The following KLF3 variants were observed in gnomAD, a reference collection of about 807,000 sequenced individuals.
KLF3 encodes KLF transcription factor 3, also known as Krueppel-like factor 3.
In KLF3, 6 loss-of-function variants were observed where a neutral mutation model predicts 32.7. The observed-to-expected ratio is 0.18, with a 90% confidence interval of 0.10 to 0.36. The LOEUF (loss-of-function observed/expected upper bound fraction) is 0.36, where lower values mean the gene tolerates loss of function less well. KLF3 is among the 10% of genes least tolerant of loss of function. The pLI, the probability that KLF3 is intolerant of heterozygous loss-of-function variation, is 1.00. For missense variants in KLF3, 338 were observed against 449.7 expected (o/e 0.75, Z 2.25); for synonymous variants, 145 against 172.8 (o/e 0.84, Z 1.26).
chr4:38,696,358 A>C (rs1304197530), intron 5 of KLF3, among the ~76,000 whole-genome samples: 1 of 152,104 alleles, frequency 6.6e-6, no homozygotes, highest in Non-Finnish European at 1.5e-5. Flanking sequence ...CATGACCCTT[A>C]TGACTAATTT....
rs889570833 is a variant in KLF3 at position 38,696,189 on chromosome 4, A to G, written c.857-893A>G. Among the ~76,000 whole-genome samples, 289 of 58,306 alleles carry G rather than the reference A, an allele frequency of 5.0e-3. 1 individual carries two copies. The highest frequency in any genetic ancestry group is 0.022 in the African/African-American group (281 of 12,790). The allele number at this position is 58,306 out of a possible 152,430, so 38.3% of individuals were successfully genotyped here. A position where few individuals can be genotyped will look rare whatever the true frequency, so the allele number is the denominator to read the frequency against. On this transcript the variant is annotated intron_variant, in intron 5 of 5. Transcript: ENST00000261438. ...TTGGGTGACAGTTTAGATGTAGGAAAAAAAAAAAAAAAAAAAAAACGCCTC... is the reference window on the plus strand; with the variant it reads ...TTGGGTGACAGTTTAGATGTAGGAAGAAAAAAAAAAAAAAAAAAACGCCTC...
chr4:38,689,981 C>G, intron 4 of KLF3, 102 bp downstream of exon 4: 1 of 1,225,282 alleles, frequency 8.2e-7, no homozygotes, highest in Non-Finnish European at 1.1e-6. Context: ...TGTGGATGAC[C>G]AGGAACGGCT....
At chr4:38,669,893 CAAAAAAAAAAAAAAAAA>C (rs60339860) in intron 1 of KLF3, among the ~76,000 whole-genome samples, 2 of 41,174 alleles carry the variant, frequency 4.9e-5, no homozygotes, top group Non-Finnish European at 8.1e-5. Flanking sequence ...GACTCTGTCT[CAAAAAAAAAAAAAAAAA>C]AAAAAAAAAA....
chr4:38,693,461 A>G (rs1233621589), intron 4 of KLF3, among the ~76,000 whole-genome samples: 1 of 152,136 alleles, frequency 6.6e-6, no homozygotes, highest in Non-Finnish European at 1.5e-5. Flanking sequence ...TGTGTATTCA[A>G]ATATTTACCA....
intron 2 of KLF3, chr4:38,681,013 C>T (rs113777729): frequency 0.11 from 18,772 of 166,496 alleles, 1,354 homozygotes; most frequent in Middle Eastern, 0.23. Context: ...TAGCAGAGAT[C>T]GCACCATTGC....
chr4:38,668,783 CT>C (rs1393333499), intron 1 of KLF3, among the ~76,000 whole-genome samples: 2 of 152,162 alleles, frequency 1.3e-5, no homozygotes, highest in Non-Finnish European at 2.9e-5. Flanking sequence ...TTTCTTCTCT[CT>C]TTTGCAGGGA....
At chr4:38,691,604 A>C (rs150896470) in intron 4 of KLF3, among the ~76,000 whole-genome samples, 1 of 152,366 alleles carries the variant, frequency 6.6e-6, no homozygotes, top group African/African-American at 2.4e-5. Context: ...TGTGCTCTGA[A>C]TGCTGCTCAA....
chr4:38,667,137 GAACA>G (rs1309479676), intron 1 of KLF3, among the ~76,000 whole-genome samples: 1 of 152,178 alleles, frequency 6.6e-6, no homozygotes, highest in African/African-American at 2.4e-5. Context: ...CACACCCGTA[GAACA>G]AACACCTCCA....
chr4:38,694,223 T>TAAAGG (rs1318518242), intron 4 of KLF3, among the ~76,000 whole-genome samples: 50 of 152,350 alleles, frequency 3.3e-4, no homozygotes, highest in Non-Finnish European at 6.0e-4. Context: ...AAAACGTAGA[T>TAAAGG]ATACCCTACA....
At chr4:38,695,456 A>G (rs1027242583) in intron 5 of KLF3, among the ~76,000 whole-genome samples, 1 of 152,236 alleles carries the variant, frequency 6.6e-6, no homozygotes, top group Non-Finnish European at 1.5e-5. Flanking sequence ...ATCTCGCCCA[A>G]TACTGAATAT....
intron 1 of KLF3, among the ~76,000 whole-genome samples, chr4:38,675,605 A>C (rs1220268159): frequency 6.6e-6 from 1 of 152,186 alleles, no homozygotes. Context: ...TAAAATGATT[A>C]ATAGAATTCC....
At position 38,698,334 on chromosome 4, in the gene KLF3, A is replaced by G. The variant is rs1447276988; in HGVS notation, c.*1071A>G. 6.6e-6 allele frequency: 1 copy of G among 152,618 alleles called. No individual in the cohort carries two copies. The highest frequency in any genetic ancestry group is 1.5e-5 in the Non-Finnish European group (1 of 68,038). 9.5% of individuals were successfully genotyped at this position (152,618 alleles called of 1,614,324 possible). The stretch of plus-strand genomic sequence containing the variant: ...CAGGGAAATGTTGAGTGGTACTTGT[A>G]TTCCCTTATCAAATTAATCACATAG... On this transcript the variant is annotated 3_prime_UTR_variant, in exon 6 of 6. Transcript: ENST00000261438.
intron 1 of KLF3, among the ~76,000 whole-genome samples, chr4:38,673,329 G>A (rs1323180269): frequency 6.6e-6 from 1 of 152,120 alleles, no homozygotes; most frequent in East Asian, 1.9e-4. Context: ...GAGTTGGGTG[G>A]GTCTCCAGTG....
In KLF3 at chr4:38,701,486, G is replaced by C. The variant is rs1023775053; in HGVS notation, c.*4223G>C. Among the ~76,000 whole-genome samples, 1 of 152,106 alleles carries C rather than the reference G, an allele frequency of 6.6e-6. No individual in the cohort carries two copies. The highest frequency in any genetic ancestry group is 1.5e-5 in the Non-Finnish European group (1 of 68,032). On this transcript the variant is annotated 3_prime_UTR_variant, in exon 6 of 6. Coordinates refer to ENST00000261438, the MANE Select transcript of KLF3 (RefSeq NM_016531.6). ...GGGGAACGAGGAACAGAACAATAACGCATTAAAGTAAATAACTCTGGATAA... is the reference window on the plus strand; with the variant it reads ...GGGGAACGAGGAACAGAACAATAACCCATTAAAGTAAATAACTCTGGATAA...
intron 3 of KLF3, among the ~76,000 whole-genome samples, chr4:38,689,293 A>C (rs1373117106): frequency 1.3e-5 from 2 of 152,140 alleles, no homozygotes; most frequent in African/African-American, 2.4e-5. Flanking sequence ...GATTACTTTC[A>C]CTATGTAATG....
At chr4:38,667,479 T>A (rs1722080359) in intron 1 of KLF3, among the ~76,000 whole-genome samples, 1 of 152,242 alleles carries the variant, frequency 6.6e-6, no homozygotes, top group African/African-American at 2.4e-5. Context: ...AGAAGTCAGT[T>A]AACCTTTTTA....
chr4:38,692,729 T>A (rs1172166222), intron 4 of KLF3, among the ~76,000 whole-genome samples: 3 of 152,074 alleles, frequency 2.0e-5, no homozygotes, highest in Admixed American at 2.0e-4. Context: ...CAGTCAGAAT[T>A]ACTGCACAGA....
intron 2 of KLF3, among the ~76,000 whole-genome samples, chr4:38,686,978 T>C (rs1310617226): frequency 6.6e-6 from 1 of 151,740 alleles, no homozygotes; most frequent in Non-Finnish European, 1.5e-5. Context: ...AAGAGGGTGA[T>C]CTCAGTAGGA....
chr4:38,664,644 G>A (rs1296093156), intron 1 of KLF3, 183 bp downstream of exon 1: 1 of 151,926 alleles, frequency 6.6e-6, no homozygotes, highest in Non-Finnish European at 1.5e-5. Flanking sequence ...TAGCCGGGGT[G>A]GGGGCGGAGA....
Sources: allele counts gnomAD v4.1 joint callset (sites outside exome capture counted in the v4.1 genomes callset), GRCh38; gene constraint gnomAD v4.1.1; transcripts MANE v1.5; gene names NCBI Gene and HGNC (gene_info 2026-07-23, HGNC 2026-07-21).